The following RASGRP3 variants were observed in gnomAD, a reference collection of about 807,000 sequenced individuals.
The protein encoded by RASGRP3 is ras guanyl-releasing protein 3.
A neutral mutation model predicts 82.7 loss-of-function variants in RASGRP3; 54 were observed. The ratio of observed to expected loss-of-function variants is 0.65; its 90% CI spans 0.52 to 0.82. The LOEUF (loss-of-function observed/expected upper bound fraction) is 0.82, where lower values mean the gene tolerates loss of function less well. RASGRP3 is among the 40% of genes least tolerant of loss of function. The pLI is 0.00. For missense variants in RASGRP3, 861 were observed against 828.9 expected (o/e 1.04, Z -0.48); for synonymous variants, 309 against 300.5 (o/e 1.03, Z -0.29).
chr2:33,459,721 T>A (rs538407224), intron 2 of RASGRP3, among the ~76,000 whole-genome samples: 3 of 152,050 alleles, frequency 2.0e-5, no homozygotes, highest in Non-Finnish European at 4.4e-5. Context: ...AAAGGGTTGA[T>A]CAGTATAAAT....
intron 1 of RASGRP3, among the ~76,000 whole-genome samples, chr2:33,445,892 T>A (rs1665472724): frequency 6.6e-6 from 1 of 152,272 alleles, no homozygotes; most frequent in South Asian, 2.1e-4. Context: ...AAGAGATAAA[T>A]CATATTTATC....
At position 33,520,596 on chromosome 2, in the gene RASGRP3, G is replaced by T. The variant is rs1456061747; in HGVS notation, c.280G>T (p.Gly94Cys). 1 of 1,613,986 alleles carries T rather than the reference G, an allele frequency of 6.2e-7. No individual in the cohort carries two copies. Among genetic ancestry groups the T allele is most frequent in the Non-Finnish European group, 8.5e-7 (1 of 1,179,852 alleles). The change falls in exon 6 of 18, where the codon GGT (glycine) becomes TGT (cysteine). Residue 94 changes from glycine to cysteine, a missense_variant. Gly to Cys is a radical substitution (Grantham distance 159). Transcript: ENST00000403687. ...TCCTGCAGAGTTTAATTTGGATCTT[G>T]GTTTGATTCGTATGACTGAGGAATT... ...KFPAEFNLDL[G>C]LIRMTEEFRE...
At chr2:33,443,774 A>C (rs2150875435) in intron 1 of RASGRP3, among the ~76,000 whole-genome samples, 1 of 151,250 alleles carries the variant, frequency 6.6e-6, no homozygotes, top group East Asian at 1.9e-4. Flanking sequence ...CTAGATATTC[A>C]GGAGGCTGAG....
chr2:33,532,573 G>C (rs1329478217), intron 10 of RASGRP3: 1 of 152,200 alleles, frequency 6.6e-6, no homozygotes, highest in East Asian at 1.9e-4. Flanking sequence ...TTTGTGACAT[G>C]CGGATGTTTC....
chr2:33,516,273 T>C (rs1398196979), intron 3 of RASGRP3, among the ~76,000 whole-genome samples: 3 of 152,104 alleles, frequency 2.0e-5, no homozygotes, highest in Non-Finnish European at 4.4e-5. Context: ...CCAGGCGTGG[T>C]GGCAGGCGCC....
intron 1 of RASGRP3, among the ~76,000 whole-genome samples, chr2:33,442,735 T>C (rs1665292941): frequency 6.6e-6 from 1 of 152,280 alleles, no homozygotes; most frequent in East Asian, 1.9e-4. Flanking sequence ...TTGGAGGAAA[T>C]GAATGGCAGA....
intron 1 of RASGRP3, among the ~76,000 whole-genome samples, chr2:33,507,709 A>G (rs1189071690): frequency 6.6e-6 from 1 of 152,088 alleles, no homozygotes; most frequent in East Asian, 1.9e-4. Context: ...TATTTTTATT[A>G]GAGATGGGGT....
intron 10 of RASGRP3, chr2:33,533,390 G>A (rs1673286926): frequency 6.6e-6 from 1 of 152,010 alleles, no homozygotes; most frequent in Non-Finnish European, 1.5e-5. Flanking sequence ...TCTGTCTCCG[G>A]GGCCCCTATG....
chr2:33,527,441 C>G (rs1672691963), intron 10 of RASGRP3, 29 bp downstream of exon 10: 1 of 1,584,898 alleles, frequency 6.3e-7, no homozygotes, highest in Non-Finnish European at 8.6e-7. Context: ...AGTTTGGGCT[C>G]AATAATTCTT....
rs576692287 is a variant in RASGRP3 at position 33,493,924 on chromosome 2, C to T, written c.-261+17217C>T. 7.2e-5 allele frequency among the ~76,000 whole-genome samples: 11 copies of T among 152,138 alleles called. No homozygotes were observed. In the East Asian group the frequency reaches 1.4e-3, roughly 19 times the overall value. ...TATCAAAATGGCCAAAGGGTGGCTT[C>T]GTGTCAGAAGACCCAGATGTTTTTA... On this transcript the variant is annotated intron_variant, in intron 1 of 17. Coordinates refer to ENST00000403687, the MANE Select transcript of RASGRP3 (RefSeq NM_001139488.2).
chr2:33,549,884 A>T (rs941079711), intron 14 of RASGRP3, 133 bp downstream of exon 14: 3 of 1,147,600 alleles, frequency 2.6e-6, no homozygotes, highest in African/African-American at 3.2e-5. Context: ...GGCTCCCTGA[A>T]ATTGAAGATT....
intron 1 of RASGRP3, among the ~76,000 whole-genome samples, chr2:33,492,316 C>T (rs973835685): frequency 6.6e-6 from 1 of 152,064 alleles, no homozygotes; most frequent in Non-Finnish European, 1.5e-5. Context: ...TATTACAGAC[C>T]TGCTTCGAGC....
At chr2:33,513,797 C>G (rs1206897842) in intron 2 of RASGRP3, 2 of 152,208 alleles carry the variant, frequency 1.3e-5, no homozygotes, top group African/African-American at 2.4e-5. Context: ...TGGGATAGCT[C>G]TCATCCTCAC....
intron 1 of RASGRP3, among the ~76,000 whole-genome samples, chr2:33,485,197 T>C (rs1489272719): frequency 6.6e-6 from 1 of 152,196 alleles, no homozygotes; most frequent in Non-Finnish European, 1.5e-5. Context: ...AAACTCTGTC[T>C]CAAAACAACA....
intron 3 of RASGRP3, among the ~76,000 whole-genome samples, 156 bp downstream of exon 3, chr2:33,515,362 G>A (rs1179718753): frequency 6.6e-6 from 1 of 152,104 alleles, no homozygotes; most frequent in Non-Finnish European, 1.5e-5. Context: ...CAGTTTCACT[G>A]CCCTCCATAT....
Position 33,522,005 on chromosome 2 carries a change from A to G in RASGRP3, c.419A>G (p.Lys140Arg), listed in dbSNP as rs1001398919. 2.5e-6 allele frequency: 4 copies of G among 1,613,814 alleles called. No individual in the cohort carries two copies. The highest frequency in any genetic ancestry group is 3.3e-5 in the Admixed American group (2 of 59,982). The change falls in exon 7 of 18, where the codon AAG becomes AGG. Residue 140 changes from lysine to arginine, a missense_variant. Transcript: ENST00000403687. ...RRVTQRKKVS[K>R]KGKACLLFDH... ...GTCACACAGAGGAAAAAAGTATCCA[A>G]GAAGGGAAAAGCCTGTCTGCTGTTT...
chr2:33,475,904 GC>G (rs1325400455), upstream of RASGRP3, among the ~76,000 whole-genome samples: 1 of 152,190 alleles, frequency 6.6e-6, no homozygotes, highest in African/African-American at 2.4e-5. Context: ...ATTCACACTC[GC>G]CGGCTGATAA....
upstream of RASGRP3, among the ~76,000 whole-genome samples, chr2:33,473,898 G>T (rs1667206349): frequency 6.6e-6 from 1 of 152,196 alleles, no homozygotes; most frequent in South Asian, 2.1e-4. Flanking sequence ...GGATGGAGAT[G>T]ATTTCAGGAT....
Position 33,469,326 on chromosome 2 carries a change from C to A in RASGRP3, c.-261+21383C>A, listed in dbSNP as rs73926669. On this transcript the variant is annotated intron_variant, in intron 2 of 18. Coordinates refer to the RASGRP3 transcript ENST00000402538. ...ATGTTTTATATTTTATGGTTTAAAT[C>A]GTGAACTTTTATCTTTATAGCTCCT... Among the ~76,000 whole-genome samples, 687 of 152,170 alleles carry A rather than the reference C, an allele frequency of 4.5e-3. 4 individuals are homozygous for A. The highest frequency in any genetic ancestry group is 0.016 in the African/African-American group (653 of 41,514).
Sources: gnomAD v4.1 joint callset for allele counts (sites outside exome capture counted in the v4.1 genomes callset) on GRCh38, gnomAD v4.1.1 for gene constraint, MANE v1.5 for transcripts, NCBI Gene and HGNC (gene_info 2026-07-23, HGNC 2026-07-21) for gene names.